The following ZNF704 variants were observed in gnomAD, a reference collection of about 807,000 sequenced individuals.
The protein encoded by ZNF704 is zinc finger protein 704.
Under a neutral mutation model 44.7 loss-of-function variants are expected in ZNF704, and 10 were observed. The observed-to-expected ratio is 0.22, with a 90% confidence interval of 0.14 to 0.38. The LOEUF (loss-of-function observed/expected upper bound fraction) is 0.38, where lower values mean the gene tolerates loss of function less well. Among genes scored for constraint, ZNF704 ranks in the 10% least tolerant of loss-of-function variants. The pLI, the probability that ZNF704 is intolerant of heterozygous loss-of-function variation, is 1.00. For synonymous variants in ZNF704, 211 were observed against 207.6 expected (o/e 1.02, Z -0.14); for missense variants, 390 against 545.5 (o/e 0.71, Z 2.84).
rs761315805 is a variant in ZNF704, at chr8:80,643,139, AC to A, written c.1033-11del. 1.3e-5 allele frequency: 20 copies of A among 1,593,394 alleles called. No homozygotes were observed. In the South Asian group the frequency reaches 2.2e-4, roughly 17 times the overall value. Reference sequence around the variant, plus strand: ...GATGTGTGGGTGACACCTGGTGAATACATGGAAAAGAAAGTTGATGGGGCAG... The same window carrying A: ...GATGTGTGGGTGACACCTGGTGAATAATGGAAAAGAAAGTTGATGGGGCAG... On this transcript the variant is annotated splice_polypyrimidine_tract_variant and intron_variant, in intron 7 of 8. Coordinates refer to ENST00000327835, the MANE Select transcript of ZNF704 (RefSeq NM_001033723.3).
At chr8:80,819,518 C>G (rs1041773694) in intron 2 of ZNF704, among the ~76,000 whole-genome samples, 1 of 150,664 alleles carries the variant, frequency 6.6e-6, no homozygotes, top group Non-Finnish European at 1.5e-5. Context: ...TAAACTGACA[C>G]TAGAAGTCTA....
intron 2 of ZNF704, among the ~76,000 whole-genome samples, chr8:80,706,667 C>T (rs1033172777): frequency 1.3e-5 from 2 of 152,242 alleles, no homozygotes; most frequent in African/African-American, 2.4e-5. Flanking sequence ...CCTTGCCCTT[C>T]AGGAGCAGCT....
rs377417214 is a variant in ZNF704, at chr8:80,657,996, G to T, written c.1032+1589C>A. On this transcript the variant is annotated intron_variant, in intron 7 of 8. Coordinates refer to ENST00000327835, the MANE Select transcript of ZNF704 (RefSeq NM_001033723.3). ...AAAACGAGTGATATAAGGTATCCTG[G>T]CTGGTATCCTAGTGTGTAAGACACA... Among the ~76,000 whole-genome samples the T allele has an allele frequency of 2.6e-4, 39 of 152,198 alleles. 1 individual carries two copies. The highest frequency in any genetic ancestry group is 3.4e-3 in the Middle Eastern group (1 of 292).
chr8:80,844,362 G>A (rs73692262), intron 1 of ZNF704, among the ~76,000 whole-genome samples: 2,200 of 152,146 alleles, frequency 0.014, 53 homozygotes, highest in African/African-American at 0.05. Context: ...CCATCTTCTC[G>A]CTATGGCCTC....
intron 2 of ZNF704, among the ~76,000 whole-genome samples, chr8:80,767,519 T>C (rs1807247804): frequency 6.6e-6 from 1 of 152,220 alleles, no homozygotes; most frequent in South Asian, 2.1e-4. Flanking sequence ...TACTCACATA[T>C]AATTTTAATC....
intron 7 of ZNF704, among the ~76,000 whole-genome samples, chr8:80,654,398 C>A (rs1346050353): frequency 6.6e-6 from 1 of 152,090 alleles, no homozygotes; most frequent in Non-Finnish European, 1.5e-5. Flanking sequence ...TCAGAGTGAA[C>A]AGGCAACCTA....
chr8:80,738,482 T>C (rs543544624), intron 2 of ZNF704, among the ~76,000 whole-genome samples: 10 of 152,286 alleles, frequency 6.6e-5, no homozygotes, highest in African/African-American at 2.4e-4. Context: ...TCTAGATAAA[T>C]ATATGGCTTA....
chr8:80,826,412 G>C (rs1808376599), intron 1 of ZNF704, among the ~76,000 whole-genome samples: 1 of 152,082 alleles, frequency 6.6e-6, no homozygotes, highest in Non-Finnish European at 1.5e-5. Context: ...CCAATAACAG[G>C]CTCTGAAATT....
chr8:80,863,323 C>A (rs1809100826), intron 1 of ZNF704, among the ~76,000 whole-genome samples: 1 of 152,154 alleles, frequency 6.6e-6, no homozygotes, highest in South Asian at 2.1e-4. Context: ...TACATGAAAG[C>A]ATTTATGACA....
chr8:80,692,085 G>A (rs1258630690), intron 3 of ZNF704, among the ~76,000 whole-genome samples: 1 of 151,652 alleles, frequency 6.6e-6, no homozygotes, highest in Non-Finnish European at 1.5e-5. Context: ...CTTTAATAGT[G>A]CTCCCATAGC....
At chr8:80,832,187 A>T (rs2129930338) in intron 1 of ZNF704, among the ~76,000 whole-genome samples, 1 of 152,336 alleles carries the variant, frequency 6.6e-6, no homozygotes. Context: ...GTGTATATAT[A>T]AATATGATAT....
In ZNF704 at chr8:80,635,948, T is replaced by G. The variant is rs1230687212; in HGVS notation, c.*5418A>C. On this transcript the variant is annotated 3_prime_UTR_variant, in exon 9 of 9. Transcript: ENST00000327835. Reference sequence around the variant, plus strand: ...TGGTGAGCAAGAATTACTTATAATATTAATACTTCCTGCCTGGTAAAATAC... The same window carrying G: ...TGGTGAGCAAGAATTACTTATAATAGTAATACTTCCTGCCTGGTAAAATAC... 1 of 152,222 alleles carries G rather than the reference T, an allele frequency of 6.6e-6. No individual in the cohort carries two copies. The highest frequency in any genetic ancestry group is 6.5e-5 in the Admixed American group (1 of 15,290). 9.4% of individuals were successfully genotyped at this position (152,222 alleles called of 1,614,324 possible). A position where few individuals can be genotyped will look rare whatever the true frequency, so the allele number is the denominator to read the frequency against.
chr8:80,849,011 A>T (rs932713276), intron 1 of ZNF704, among the ~76,000 whole-genome samples: 4 of 152,178 alleles, frequency 2.6e-5, no homozygotes, highest in African/African-American at 9.7e-5. Flanking sequence ...GTTCCATCTC[A>T]TACTGAGGGA....
At chr8:80,778,846 G>A (rs1807462258) in intron 2 of ZNF704, among the ~76,000 whole-genome samples, 2 of 151,982 alleles carry the variant, frequency 1.3e-5, no homozygotes, top group Non-Finnish European at 1.5e-5. Context: ...CAGACACTGG[G>A]GCCTACTTGA....
chr8:80,852,459 T>C (rs1808881300), intron 1 of ZNF704, among the ~76,000 whole-genome samples: 1 of 152,246 alleles, frequency 6.6e-6, no homozygotes, highest in African/African-American at 2.4e-5. Context: ...GTTGCTTTCT[T>C]GCCTATTGAA....
At chr8:80,692,715 A>G (rs1256174218) in intron 3 of ZNF704, among the ~76,000 whole-genome samples, 1 of 152,236 alleles carries the variant, frequency 6.6e-6, no homozygotes, top group Non-Finnish European at 1.5e-5. Context: ...CCTGGGAAAA[A>G]AGGGACACAA....
At chr8:80,665,897 C>T (rs542164548) in intron 5 of ZNF704, among the ~76,000 whole-genome samples, 136 of 151,826 alleles carry the variant, frequency 9.0e-4, no homozygotes, top group Non-Finnish European at 1.5e-3. Flanking sequence ...AGCCTGTGAA[C>T]CATGAGCCAA....
intron 2 of ZNF704, among the ~76,000 whole-genome samples, chr8:80,726,560 A>C (rs1182999922): frequency 6.6e-6 from 1 of 152,122 alleles, no homozygotes; most frequent in African/African-American, 2.4e-5. Flanking sequence ...CAATGATATA[A>C]TGTCTGGGAT....
intron 5 of ZNF704, among the ~76,000 whole-genome samples, chr8:80,667,346 G>C (rs1818210828): frequency 6.6e-6 from 1 of 152,226 alleles, no homozygotes; most frequent in African/African-American, 2.4e-5. Flanking sequence ...CTGGGAAATA[G>C]AGGACAGGAA....
Sources: gnomAD v4.1 joint callset for allele counts (sites outside exome capture counted in the v4.1 genomes callset) on GRCh38, gnomAD v4.1.1 for gene constraint, MANE v1.5 for transcripts, NCBI Gene and HGNC (gene_info 2026-07-23, HGNC 2026-07-21) for gene names.